The following CADPS2 variants were observed in gnomAD, a reference collection of about 807,000 sequenced individuals.
CADPS2 encodes the protein calcium dependent secretion activator 2, also known as calcium-dependent secretion activator 2.
In CADPS2, 93 loss-of-function variants were observed where a neutral mutation model predicts 172.5. The ratio of observed to expected loss-of-function variants is 0.54; its 90% CI spans 0.46 to 0.64. The LOEUF (loss-of-function observed/expected upper bound fraction) is 0.64, where lower values mean the gene tolerates loss of function less well. Ranked by LOEUF, CADPS2 falls within the 30% of genes least tolerant of loss-of-function variation. CADPS2 has a pLI of 0.00. For synonymous variants in CADPS2, 546 were observed against 555.2 expected (o/e 0.98, Z 0.23); for missense variants, 1,420 against 1,565.9 (o/e 0.91, Z 1.57).
chr7:122,869,439 A>G (rs752939169), intron 1 of CADPS2, among the ~76,000 whole-genome samples: 5 of 152,096 alleles, frequency 3.3e-5, no homozygotes, highest in Admixed American at 6.6e-5. Context: ...TCAAAGAGCT[A>G]AAAGAAAAAT....
At position 122,360,980 on chromosome 7, in the gene CADPS2, G is replaced by A; in HGVS notation, c.3421C>T (p.Leu1141=). 6.2e-7 allele frequency: 1 copy of A among 1,613,680 alleles called. No homozygotes were observed. Among genetic ancestry groups the A allele is most frequent in the Non-Finnish European group, 8.5e-7 (1 of 1,179,758 alleles). The change falls in exon 26 of 30, where the codon CTG becomes TTG. Residue 1141 remains leucine, a synonymous_variant. Transcript: ENST00000449022. ...AAAGTGCCTTCATCATACCTTGACA[G>A]CTTAGACAACACGCCTTCCAACACT... The part of the protein sequence containing the change: ...VSVLEGVLSK[L]SRYDEGTFFS...
chr7:122,654,047 T>C (rs773270328), intron 3 of CADPS2, among the ~76,000 whole-genome samples: 1 of 152,186 alleles, frequency 6.6e-6, no homozygotes, highest in African/African-American at 2.4e-5. Context: ...TAGAAAGGCA[T>C]GTCATAAGAA....
chr7:122,372,286 A>G (rs1170139859), intron 25 of CADPS2, among the ~76,000 whole-genome samples: 1 of 152,192 alleles, frequency 6.6e-6, no homozygotes, highest in Non-Finnish European at 1.5e-5. Context: ...TTAAAGCTGG[A>G]AGTGGAAAAG....
At chr7:122,705,997 TA>T (rs1161299583) in intron 2 of CADPS2, among the ~76,000 whole-genome samples, 9 of 93,124 alleles carry the variant, frequency 9.7e-5, no homozygotes, top group African/African-American at 4.0e-4. Flanking sequence ...ATATATTATA[TA>T]ATATTTATAT....
intron 22 of CADPS2, among the ~76,000 whole-genome samples, chr7:122,392,324 T>C (rs1201943626): frequency 6.7e-6 from 1 of 150,224 alleles, no homozygotes; most frequent in African/African-American, 2.4e-5. Context: ...TATCATTTAC[T>C]GGGTGCCTAG....
intron 8 of CADPS2, among the ~76,000 whole-genome samples, chr7:122,541,682 T>C (rs1454102501): frequency 6.8e-6 from 1 of 146,182 alleles, no homozygotes; most frequent in Non-Finnish European, 1.5e-5. Flanking sequence ...TGTTTATATA[T>C]TTATTCATAT....
intron 28 of CADPS2, among the ~76,000 whole-genome samples, chr7:122,326,198 A>G (rs1429804980): frequency 6.6e-6 from 1 of 151,678 alleles, no homozygotes; most frequent in Non-Finnish European, 1.5e-5. Context: ...TTAGGAAGAA[A>G]CATTATCAAG....
At chr7:122,614,329 C>T (rs1438096500) in intron 6 of CADPS2, among the ~76,000 whole-genome samples, 2 of 152,038 alleles carry the variant, frequency 1.3e-5, no homozygotes, top group South Asian at 2.1e-4. Flanking sequence ...TCTGTATCTC[C>T]CTATCCTGCC....
chr7:122,367,299 A>C (rs1164819245), intron 25 of CADPS2, among the ~76,000 whole-genome samples: 3 of 152,274 alleles, frequency 2.0e-5, no homozygotes, highest in East Asian at 3.9e-4. Flanking sequence ...AGAAAGCGAG[A>C]GAGAGAGAGA....
chr7:122,579,944 A>G, intron 7 of CADPS2, among the ~76,000 whole-genome samples: 1 of 152,102 alleles, frequency 6.6e-6, no homozygotes. Context: ...AAGAGTATAA[A>G]GGAGGTAGAA....
chr7:122,881,342 T>C (rs1822881085), intron 1 of CADPS2, among the ~76,000 whole-genome samples: 1 of 152,184 alleles, frequency 6.6e-6, no homozygotes, highest in Admixed American at 6.5e-5. Flanking sequence ...CTGTCTGAGT[T>C]CTCATTAGCA....
At chr7:122,379,333 CTTTG>C (rs1210167597) in intron 25 of CADPS2, 31 bp downstream of exon 25, 1 of 1,355,372 alleles carries the variant, frequency 7.4e-7, no homozygotes, top group East Asian at 2.4e-5. Flanking sequence ...CAATTTTTCA[CTTTG>C]ATTTAAAAAG....
intron 24 of CADPS2, among the ~76,000 whole-genome samples, chr7:122,380,828 G>A (rs927022498): frequency 1.3e-5 from 2 of 152,130 alleles, no homozygotes; most frequent in South Asian, 2.1e-4. Flanking sequence ...CCAAGTTTGT[G>A]CTCCCCAGAG....
rs1588161797 is a variant in CADPS2, at chr7:122,655,556, CT to C, written c.786+7680del. On this transcript the variant is annotated intron_variant, in intron 3 of 29. Transcript: ENST00000449022. ...TTTTAAACATAATTCTATTATACCC[CT>C]AATAGACCACAGTACAGTAAAACAT... Among the ~76,000 whole-genome samples the C allele has an allele frequency of 2.6e-5, 4 of 152,086 alleles. No individual in the cohort carries two copies. The East Asian group carries it at 5.8e-4, about 22-fold the overall frequency.
intron 1 of CADPS2, among the ~76,000 whole-genome samples, chr7:122,764,932 G>C (rs1235566168): frequency 6.6e-6 from 1 of 151,992 alleles, no homozygotes; most frequent in African/African-American, 2.4e-5. Flanking sequence ...TTGTAGCCCA[G>C]GTATTTTACT....
chr7:122,581,166 G>A lies in CADPS2; in HGVS notation c.1335+13C>T, dbSNP rs140441174. On this transcript the variant is annotated intron_variant, in intron 7 of 29. Coordinates refer to ENST00000449022, the MANE Select transcript of CADPS2 (RefSeq NM_017954.11). The stretch of plus-strand genomic sequence containing the variant: ...CTGTTCTACCCTGGACACACAGGCT[G>A]ACCACAACTCACCCTTCCCAGTTCT... 6.2e-7 allele frequency: 1 copy of A among 1,601,758 alleles called. No individual in the cohort carries two copies. Among genetic ancestry groups the A allele is most frequent in the East Asian group, 2.2e-5 (1 of 44,706 alleles).
At chr7:122,828,475 C>G (rs1462598374) in intron 1 of CADPS2, among the ~76,000 whole-genome samples, 2 of 152,164 alleles carry the variant, frequency 1.3e-5, no homozygotes, top group Non-Finnish European at 1.5e-5. Context: ...GGAAATCTCA[C>G]TTTCACTTAG....
chr7:122,422,572 C>T (rs2048654194), intron 17 of CADPS2, among the ~76,000 whole-genome samples: 1 of 152,118 alleles, frequency 6.6e-6, no homozygotes, highest in Non-Finnish European at 1.5e-5. Context: ...GCTTTGGGCA[C>T]ATAAACAAAT....
intron 2 of CADPS2, among the ~76,000 whole-genome samples, chr7:122,687,179 C>T (rs1044598035): frequency 6.6e-6 from 1 of 152,160 alleles, no homozygotes; most frequent in African/African-American, 2.4e-5. Context: ...TCCATTCCTA[C>T]AGCTCAATAT....
Sources: allele counts gnomAD v4.1 joint callset (sites outside exome capture counted in the v4.1 genomes callset), GRCh38; gene constraint gnomAD v4.1.1; transcripts MANE v1.5; gene names NCBI Gene and HGNC (gene_info 2026-07-23, HGNC 2026-07-21).